Variants in CACNA2D3 observed in about 807,000 individuals in gnomAD.
CACNA2D3 encodes the protein calcium voltage-gated channel auxiliary subunit alpha2delta 3.
CACNA2D3 carries 60 observed loss-of-function variants against 160.6 expected under a neutral mutation model. That is an observed-to-expected ratio of 0.37 (90% CI 0.30 to 0.46). The LOEUF (loss-of-function observed/expected upper bound fraction) is 0.46. CACNA2D3 is among the 20% of genes least tolerant of loss of function. The pLI is 1.00. For missense variants in CACNA2D3, 1,205 were observed against 1,365.0 expected (o/e 0.88, Z 1.85); for synonymous variants, 558 against 492.9 (o/e 1.13, Z -1.75).
At chr3:54,186,547 A>G (rs1326892480) in intron 2 of CACNA2D3, among the ~76,000 whole-genome samples, 1 of 152,124 alleles carries the variant, frequency 6.6e-6, no homozygotes, top group Admixed American at 6.5e-5. Flanking sequence ...CTTTTTAGAG[A>G]TTAAGTGATA....
intron 4 of CACNA2D3, among the ~76,000 whole-genome samples, chr3:54,480,559 A>G (rs985523420): frequency 6.6e-6 from 1 of 152,224 alleles, no homozygotes; most frequent in Admixed American, 6.5e-5. Flanking sequence ...TCATAAAAGC[A>G]GGGGTCACAA....
intron 2 of CACNA2D3, among the ~76,000 whole-genome samples, chr3:54,144,500 T>C (rs996122360): frequency 3.3e-5 from 5 of 152,252 alleles, no homozygotes; most frequent in Non-Finnish European, 5.9e-5. Context: ...TTCTCCTCTT[T>C]GTTTCTCTTG....
chr3:54,973,203 T>C (rs1702314364), intron 29 of CACNA2D3, among the ~76,000 whole-genome samples: 1 of 152,108 alleles, frequency 6.6e-6, no homozygotes, highest in Non-Finnish European at 1.5e-5. Context: ...AGGGTCATTG[T>C]GGTCAAGGAA....
chr3:54,633,433 C>G (rs1376773029), intron 10 of CACNA2D3: 1 of 152,128 alleles, frequency 6.6e-6, no homozygotes, highest in Non-Finnish European at 1.5e-5. Context: ...AGACAGGATC[C>G]TCGTCACATG....
chr3:54,243,144 C>G (rs1304626021), intron 2 of CACNA2D3, among the ~76,000 whole-genome samples: 1 of 152,238 alleles, frequency 6.6e-6, no homozygotes, highest in Non-Finnish European at 1.5e-5. Flanking sequence ...CCTGTCCCCA[C>G]TCTCCAGCTC....
intron 35 of CACNA2D3, among the ~76,000 whole-genome samples, chr3:55,053,533 C>T (rs959022981): frequency 6.6e-6 from 1 of 151,916 alleles, no homozygotes. Flanking sequence ...AGATTTCTCT[C>T]TAAATCTGAA....
intron 35 of CACNA2D3, among the ~76,000 whole-genome samples, chr3:55,037,158 A>C (rs1437937782): frequency 6.6e-6 from 1 of 151,956 alleles, no homozygotes; most frequent in Non-Finnish European, 1.5e-5. Flanking sequence ...AAAGTGAACA[A>C]ATAAGACAAA....
intron 11 of CACNA2D3, among the ~76,000 whole-genome samples, chr3:54,705,760 A>T (rs1041139568): frequency 6.6e-6 from 1 of 152,196 alleles, no homozygotes; most frequent in African/African-American, 2.4e-5. Context: ...GAAGAGTATA[A>T]GTTGCTTCAA....
intron 4 of CACNA2D3, among the ~76,000 whole-genome samples, chr3:54,411,739 C>T (rs1398599471): frequency 6.6e-6 from 1 of 151,996 alleles, no homozygotes; most frequent in East Asian, 1.9e-4. Context: ...GAGGTATGCC[C>T]ATATTCACTG....
At chr3:54,794,117 A>G (rs1702817998) in intron 13 of CACNA2D3, among the ~76,000 whole-genome samples, 2 of 152,168 alleles carry the variant, frequency 1.3e-5, no homozygotes, top group South Asian at 2.1e-4. Context: ...ATGATCACAC[A>G]TATATACATG....
chr3:54,220,443 G>A (rs1701546037), intron 2 of CACNA2D3, among the ~76,000 whole-genome samples: 1 of 152,224 alleles, frequency 6.6e-6, no homozygotes, highest in Non-Finnish European at 1.5e-5. Flanking sequence ...AAGAATGACA[G>A]ATGATCAGCT....
At chr3:54,955,451 T>C (rs911942577) in intron 27 of CACNA2D3, among the ~76,000 whole-genome samples, 1 of 151,794 alleles carries the variant, frequency 6.6e-6, no homozygotes, top group Non-Finnish European at 1.5e-5. Flanking sequence ...TGCATTTCTT[T>C]TGGAAAAAAG....
chr3:54,424,460 C>G (rs1559477823), intron 4 of CACNA2D3, among the ~76,000 whole-genome samples: 1 of 152,222 alleles, frequency 6.6e-6, no homozygotes, highest in Non-Finnish European at 1.5e-5. Context: ...ACCACTCCCT[C>G]CTTTTGTGCC....
chr3:55,032,773 T>C (rs1340342918), intron 35 of CACNA2D3, among the ~76,000 whole-genome samples: 1 of 152,116 alleles, frequency 6.6e-6, no homozygotes, highest in Non-Finnish European at 1.5e-5. Context: ...TAGTTGGTGC[T>C]CAATAGCTGG....
At chr3:54,494,222 G>A (rs556109706) in intron 4 of CACNA2D3, among the ~76,000 whole-genome samples, 34 of 152,280 alleles carry the variant, frequency 2.2e-4, no homozygotes, top group African/African-American at 7.0e-4. Context: ...TGATCATATG[G>A]ACAAAACCAC....
chr3:54,446,988 T>C (rs2106807782), intron 4 of CACNA2D3, among the ~76,000 whole-genome samples: 1 of 152,226 alleles, frequency 6.6e-6, no homozygotes, highest in Non-Finnish European at 1.5e-5. Flanking sequence ...AGAAGGAGCG[T>C]TTTTTAAGTG....
At chr3:54,389,910 T>C (rs1459449456) in intron 4 of CACNA2D3, among the ~76,000 whole-genome samples, 1 of 152,234 alleles carries the variant, frequency 6.6e-6, no homozygotes, top group Non-Finnish European at 1.5e-5. Context: ...CAATGCTGTA[T>C]TAATGTTGGA....
intron 17 of CACNA2D3, among the ~76,000 whole-genome samples, chr3:54,864,313 G>A (rs1263261817): frequency 2.8e-4 from 42 of 149,974 alleles, no homozygotes; most frequent in South Asian, 2.1e-4. Context: ...TCTCTCTGTC[G>A]CCCAGGCTGG....
At chr3:54,301,952 G>A (rs1489563616) in intron 2 of CACNA2D3, among the ~76,000 whole-genome samples, 1 of 152,020 alleles carries the variant, frequency 6.6e-6, no homozygotes, top group African/African-American at 2.4e-5. Flanking sequence ...TTCAAGAGAG[G>A]GAAAATAAAG....
Sources: gnomAD v4.1 joint callset for allele counts (sites outside exome capture counted in the v4.1 genomes callset) on GRCh38, gnomAD v4.1.1 for gene constraint, MANE v1.5 for transcripts, NCBI Gene and HGNC (gene_info 2026-07-23, HGNC 2026-07-21) for gene names.